Variants in SLC13A3 observed in about 807,000 individuals in gnomAD.
The protein encoded by SLC13A3 is solute carrier family 13 member 3.
Under a neutral mutation model 59.0 loss-of-function variants are expected in SLC13A3, and 40 were observed. The ratio of observed to expected loss-of-function variants is 0.68; its 90% CI spans 0.53 to 0.88. The LOEUF is 0.88. Ranked by LOEUF, SLC13A3 falls within the 40% of genes least tolerant of loss-of-function variation. The probability of loss-of-function intolerance (pLI) is 0.00; values close to 1 mark genes in which losing one functional copy is unlikely to be tolerated. For missense variants in SLC13A3, 699 were observed against 783.2 expected (o/e 0.89, Z 1.28); for synonymous variants, 317 against 330.3 (o/e 0.96, Z 0.44).
upstream of SLC13A3, among the ~76,000 whole-genome samples, chr20:46,674,604 CGTGTGTGTGT>C (rs58582046): frequency 5.5e-5 from 7 of 127,956 alleles, no homozygotes; most frequent in South Asian, 2.7e-4. Flanking sequence ...CGCGCGCGCG[CGTGTGTGTGT>C]GTGTGTGTGT....
chr20:46,575,714 C>T, intron 9 of SLC13A3, 29 bp from the exon 10 acceptor site: 2 of 1,393,666 alleles, frequency 1.4e-6, no homozygotes, highest in Admixed American at 2.1e-5. Context: ...TCAGCACACA[C>T]TCAGGGCCGC....
chr20:46,585,834 T>A, intron 8 of SLC13A3: 1 of 1,238,978 alleles, frequency 8.1e-7, no homozygotes, highest in Non-Finnish European at 1.0e-6. Context: ...ATATTGTTTC[T>A]TGCTTATAAC....
At chr20:46,671,731 G>C (rs1325780557), upstream of SLC13A3, among the ~76,000 whole-genome samples, 1 of 152,188 alleles carries the variant, frequency 6.6e-6, no homozygotes, top group Non-Finnish European at 1.5e-5. Flanking sequence ...AGAGCCCAGA[G>C]CAAAGCTCAC....
chr20:46,619,205 G>T (rs927277441), intron 1 of SLC13A3, among the ~76,000 whole-genome samples: 1 of 152,196 alleles, frequency 6.6e-6, no homozygotes, highest in African/African-American at 2.4e-5. Flanking sequence ...GAGAAGGAGA[G>T]GGACTGCCTT....
chr20:46,596,384 G>A (rs1237255310), intron 4 of SLC13A3, 42 bp from the exon 5 acceptor site: 1 of 1,581,268 alleles, frequency 6.3e-7, no homozygotes, highest in Admixed American at 1.7e-5. Context: ...AATACATGGA[G>A]AACAGGCCAC....
At chr20:46,578,084 C>T (rs2062097001) in intron 9 of SLC13A3, among the ~76,000 whole-genome samples, 1 of 151,848 alleles carries the variant, frequency 6.6e-6, no homozygotes, top group Non-Finnish European at 1.5e-5. Context: ...TCACTGCAAA[C>T]TCCGCCTAAT....
chr20:46,575,593 C>T lies in SLC13A3; in HGVS notation c.1312G>A (p.Ala438Thr), dbSNP rs1396753196. The change falls in exon 10 of 13, where the codon GCC (alanine) becomes ACC (threonine). Residue 438 changes from alanine to threonine, a missense_variant. Physicochemically the swap from Ala to Thr is moderately conservative, Grantham distance 58. Coordinates refer to ENST00000279027, the MANE Select transcript of SLC13A3 (RefSeq NM_022829.6). ...NIILLLGGGF[A>T]MAKGCEESGL... ...CTTACCTCACAGCCTTTGGCCATGG[C>T]GAAGCCCCCTCCCAGGAGAAGGATG... is the stretch of plus-strand genomic sequence containing the variant. 6.9e-6 allele frequency: 11 copies of T among 1,602,470 alleles called. No individual in the cohort carries two copies. The highest frequency in any genetic ancestry group is 2.3e-5 in the South Asian group (2 of 88,418).
At chr20:46,675,889 A>C (rs902668185) in intron 1 of SLC13A3, 1 of 151,844 alleles carries the variant, frequency 6.6e-6, no homozygotes, top group African/African-American at 2.4e-5. Context: ...CAGGAGGGGG[A>C]ACGGAGAGTA....
chr20:46,666,375 G>A (rs1243889258), intron 1 of SLC13A3, among the ~76,000 whole-genome samples: 1 of 152,200 alleles, frequency 6.6e-6, no homozygotes, highest in Non-Finnish European at 1.5e-5. Flanking sequence ...GGCTCTTGCT[G>A]AGCCAGGCAA....
chr20:46,609,057 C>A, intron 3 of SLC13A3: 2 of 1,550,076 alleles, frequency 1.3e-6, no homozygotes, highest in Non-Finnish European at 1.7e-6. Context: ...GGGTTCTATT[C>A]CTAAAAGAAC....
chr20:46,560,086 A>G lies in SLC13A3; in HGVS notation c.1745T>C (p.Met582Thr), dbSNP rs377596816. The G allele has an allele frequency of 6.2e-6, 10 of 1,614,060 alleles. No homozygotes were observed. The highest frequency in any genetic ancestry group is 1.7e-5 in the Admixed American group (1 of 59,996). Residue 582 changes from methionine to threonine, a missense_variant, in exon 13 of 13, where the codon ATG becomes ACG. Transcript: ENST00000279027. Reference protein sequence around the residue: ...QLGTFPDWADMYSVNVTALPP... With the variant: ...QLGTFPDWADTYSVNVTALPP... ...CAATGCTGTGACATTGACCGAGTAC[A>G]TATCAGCCCAGTCCGGGAAGGTGCC...
chr20:46,652,209 C>A (rs1445553981), upstream of SLC13A3, among the ~76,000 whole-genome samples: 1 of 152,102 alleles, frequency 6.6e-6, no homozygotes, highest in Admixed American at 6.5e-5. Flanking sequence ...ACCTATACAA[C>A]AAATCTGCAC....
At chr20:46,620,693 G>A (rs1466504124) in intron 1 of SLC13A3, among the ~76,000 whole-genome samples, 1 of 152,092 alleles carries the variant, frequency 6.6e-6, no homozygotes, top group African/African-American at 2.4e-5. Context: ...AATTCATCTT[G>A]TTCATGCCCT....
intron 5 of SLC13A3, among the ~76,000 whole-genome samples, chr20:46,594,728 C>G (rs2062292775): frequency 6.7e-6 from 1 of 150,104 alleles, no homozygotes; most frequent in Non-Finnish European, 1.5e-5. Flanking sequence ...AATACACCCA[C>G]AACTTCTTTT....
intron 4 of SLC13A3, among the ~76,000 whole-genome samples, chr20:46,599,762 C>T (rs2062353776): frequency 6.6e-6 from 1 of 152,098 alleles, no homozygotes; most frequent in South Asian, 2.1e-4. Flanking sequence ...TAATGTGCTG[C>T]CCTACCCTTT....
chr20:46,583,054 G>A (rs2062154205), intron 9 of SLC13A3: 5 of 985,886 alleles, frequency 5.1e-6, no homozygotes, highest in Non-Finnish European at 6.0e-6. Context: ...CAACCAAGGT[G>A]CAACTCCTGC....
chr20:46,674,337 C>T (rs1320025917), upstream of SLC13A3, among the ~76,000 whole-genome samples: 1 of 152,056 alleles, frequency 6.6e-6, no homozygotes, highest in Admixed American at 6.5e-5. Context: ...AACAGTTTGG[C>T]CTTGTGGGGC....
At chr20:46,652,542 G>A (rs1007479479), upstream of SLC13A3, among the ~76,000 whole-genome samples, 2 of 129,400 alleles carry the variant, frequency 1.5e-5, no homozygotes, top group African/African-American at 5.7e-5. Flanking sequence ...CACCATATCT[G>A]GCTAATTTTT....
intron 1 of SLC13A3, among the ~76,000 whole-genome samples, chr20:46,677,772 C>G (rs1342656492): frequency 6.6e-6 from 1 of 152,078 alleles, no homozygotes; most frequent in Non-Finnish European, 1.5e-5. Flanking sequence ...ACGGGACCAG[C>G]GTGATGACAA....
Sources: allele counts gnomAD v4.1 joint callset (sites outside exome capture counted in the v4.1 genomes callset), GRCh38; gene constraint gnomAD v4.1.1; transcripts MANE v1.5; gene names NCBI Gene and HGNC (gene_info 2026-07-23, HGNC 2026-07-21).